ABCG4: variants seen among roughly 807,000 people sequenced by gnomAD.
ABCG4 encodes ATP binding cassette subfamily G member 4.
A neutral mutation model predicts 64.6 loss-of-function variants in ABCG4; 35 were observed. The observed-to-expected ratio is 0.54, with a 90% CI of 0.41 to 0.72. The LOEUF is 0.72. Among genes scored for constraint, ABCG4 ranks in the 30% least tolerant of loss-of-function variants. The pLI, the probability that ABCG4 is intolerant of heterozygous loss-of-function variation, is 0.00. For synonymous variants in ABCG4, 326 were observed against 348.2 expected, an observed-to-expected ratio of 0.94 and a Z score of 0.71; for missense variants, 610 against 846.3, an observed-to-expected ratio of 0.72 and a Z score of 3.46.
chr11:119,150,398 G>T lies in ABCG4; in HGVS notation c.238+195G>T, dbSNP rs977127006. Among the ~76,000 whole-genome samples the T allele has an allele frequency of 2.0e-5, 3 of 152,196 alleles. No individual in the cohort carries two copies. Among genetic ancestry groups the T allele is most frequent in the Non-Finnish European group, 4.4e-5 (3 of 68,030 alleles). On this transcript the variant is annotated intron_variant, in intron 2 of 14. Coordinates refer to ENST00000619701, the MANE Select transcript of ABCG4 (RefSeq NM_022169.5). The surrounding 1 kb of genome is among the most constrained non-coding windows in gnomAD (Gnocchi z 4.3). Reference sequence around the variant, plus strand: ...GATCTACGCTCCCCCACACCTGTGAGCACCATGGGATACTAGGTGCAATTG... The same window carrying T: ...GATCTACGCTCCCCCACACCTGTGATCACCATGGGATACTAGGTGCAATTG...
chr11:119,158,335 G>A lies in ABCG4; in HGVS notation c.1167+3G>A, dbSNP rs1292467734. ...TCCTGTCCATCCTCAGGGACACGGT[G>A]AGGCGTCAGGCTGGGGGAGAGGAGG... is the stretch of plus-strand genomic sequence containing the variant. On this transcript the variant is annotated splice_donor_region_variant and intron_variant, in intron 10 of 14. Coordinates refer to ENST00000619701, the MANE Select transcript of ABCG4 (RefSeq NM_022169.5). The surrounding 1 kb of genome is among the most constrained non-coding windows in gnomAD (Gnocchi z 4.5). 1.9e-6 allele frequency: 3 copies of A among 1,613,796 alleles called. No homozygotes were observed. The highest frequency in any genetic ancestry group is 2.5e-6 in the Non-Finnish European group (3 of 1,179,832).
chr11:119,160,215 C>A lies in ABCG4; in HGVS notation c.1438-12C>A. ...CTTGAAGTCCACTGTCCAGCCCGTG[C>A]CCACTCCCCAGGTGGTGTGTCCGGT... On this transcript the variant is annotated splice_polypyrimidine_tract_variant and intron_variant, in intron 12 of 14. Transcript: ENST00000619701. The surrounding 1 kb of genome is among the most constrained non-coding windows in gnomAD (Gnocchi z 4.6). 6.2e-7 allele frequency: 1 copy of A among 1,602,686 alleles called. No individual in the cohort carries two copies.
chr11:119,157,437 G>A (rs1180761531), intron 9 of ABCG4, among the ~76,000 whole-genome samples: 2 of 152,198 alleles, frequency 1.3e-5, no homozygotes, highest in African/African-American at 4.8e-5. Flanking sequence ...CACTGTAGCT[G>A]GTACAGCAGG....
At chr11:119,153,836 T>A (rs1048369446) in intron 2 of ABCG4, 190 bp from the exon 3 acceptor site, 1 of 606,962 alleles carries the variant, frequency 1.6e-6, no homozygotes, top group Non-Finnish European at 3.0e-6. Flanking sequence ...TTAGTGGTGG[T>A]CGTTTCTAGG....
In ABCG4 at chr11:119,161,021, A is replaced by G; in HGVS notation, c.1856A>G (p.Asp619Gly). 6.2e-7 allele frequency: 1 copy of G among 1,614,028 alleles called. No individual in the cohort carries two copies. Among genetic ancestry groups the G allele is most frequent in the Non-Finnish European group, 8.5e-7 (1 of 1,179,964 alleles). Residue 619 changes from aspartate to glycine, a missense_variant, in exon 15 of 15, where the codon GAC (aspartate) becomes GGC (glycine). Asp to Gly is a moderately conservative substitution (Grantham distance 94). Transcript: ENST00000619701. Reference sequence around the variant, plus strand: ...GTGGAGGATGCCAAGCTCTACATGGACTTCCTGGTCTTGGGCATCTTCTTC... The same window carrying G: ...GTGGAGGATGCCAAGCTCTACATGGGCTTCCTGGTCTTGGGCATCTTCTTC... Reference protein sequence around the residue: ...LDVEDAKLYMDFLVLGIFFLA... With the variant: ...LDVEDAKLYMGFLVLGIFFLA...
At chr11:119,159,574 T>C (rs1050018894) in intron 12 of ABCG4, among the ~76,000 whole-genome samples, 22 of 152,328 alleles carry the variant, frequency 1.4e-4, no homozygotes, top group African/African-American at 2.4e-4. Context: ...TGAGTTAATG[T>C]ATATAAAGTA....
At position 119,160,168 on chromosome 11, in the gene ABCG4, G is replaced by A. The variant is rs1328337598; in HGVS notation, c.1438-59G>A. ...AGGCCCAGCCTTGGGTGGAGTGGAG[G>A]TCTTGGCTGCTGTGCCCCTGGCTTG... is the stretch of plus-strand genomic sequence containing the variant. On this transcript the variant is annotated intron_variant, in intron 12 of 14. Transcript: ENST00000619701. This position sits in a 1 kb window ranked among gnomAD's most constrained non-coding sequence, Gnocchi z 4.6. The A allele has an allele frequency of 2.6e-6, 4 of 1,562,778 alleles. No individual in the cohort carries two copies. The African/African-American group carries it at 4.1e-5, about 16-fold the overall frequency.
rs1948326780 is a variant in ABCG4 at position 119,160,189 on chromosome 11, G to T, written c.1438-38G>T. 6.3e-7 allele frequency: 1 copy of T among 1,581,144 alleles called. No individual in the cohort carries two copies. The highest frequency in any genetic ancestry group is 8.6e-7 in the Non-Finnish European group (1 of 1,156,106). ...GGAGGTCTTGGCTGCTGTGCCCCTGGCTTGAAGTCCACTGTCCAGCCCGTG... is the reference window on the plus strand; with the variant it reads ...GGAGGTCTTGGCTGCTGTGCCCCTGTCTTGAAGTCCACTGTCCAGCCCGTG... On this transcript the variant is annotated intron_variant, in intron 12 of 14. Transcript: ENST00000619701. This position sits in a 1 kb window ranked among gnomAD's most constrained non-coding sequence, Gnocchi z 4.6.
Position 119,154,398 on chromosome 11 carries a change from GGCTGGATAGTCAC to G in ABCG4, c.489+7_489+19del, listed in dbSNP as rs1458364171. 16 of 1,614,054 alleles carry G rather than the reference GGCTGGATAGTCAC, an allele frequency of 9.9e-6. No individual in the cohort carries two copies. Among genetic ancestry groups the G allele is most frequent in the Non-Finnish European group, 1.3e-5 (15 of 1,180,028 alleles). The stretch of plus-strand genomic sequence containing the variant: ...CGGTGTTGGAAGCCATGATGGTGAG[GGCTGGATAGTCAC>G]CCCTCCTCCCAGCAACCCCCTCTGT... On this transcript the variant is annotated splice_region_variant and intron_variant, in intron 4 of 14. Coordinates refer to ENST00000619701, the MANE Select transcript of ABCG4 (RefSeq NM_022169.5). The surrounding 1 kb of genome is among the most constrained non-coding windows in gnomAD (Gnocchi z 7.0).
intron 2 of ABCG4, chr11:119,153,668 T>C (rs1592303595): frequency 4.6e-6 from 1 of 216,664 alleles, no homozygotes; most frequent in South Asian, 9.3e-5. Context: ...GCTGTAGTAG[T>C]GGGAGTTTTC....
At position 119,158,520 on chromosome 11, in the gene ABCG4, G is replaced by C; in HGVS notation, c.1168-37G>C. 1 of 1,613,526 alleles carries C rather than the reference G, an allele frequency of 6.2e-7. No homozygotes were observed. The highest frequency in any genetic ancestry group is 8.5e-7 in the Non-Finnish European group (1 of 1,179,522). ...TCTACTCTGTGGCTTGCCCTGGCCT[G>C]TAACACATCCCTCTCCTGGTGATGA... On this transcript the variant is annotated intron_variant, in intron 10 of 14. Coordinates refer to ENST00000619701, the MANE Select transcript of ABCG4 (RefSeq NM_022169.5). The surrounding 1 kb of genome is among the most constrained non-coding windows in gnomAD (Gnocchi z 4.5).
Position 119,150,749 on chromosome 11 carries a change from G to A in ABCG4, c.238+546G>A, listed in dbSNP as rs1948185305. On this transcript the variant is annotated intron_variant, in intron 2 of 14. Transcript: ENST00000619701. This position sits in a 1 kb window ranked among gnomAD's most constrained non-coding sequence, Gnocchi z 4.3. ...TAACTTGACCAATGTCACACAGCTAGTAAGTGGTAGAGCTGAGACCAGAAG... is the reference window on the plus strand; with the variant it reads ...TAACTTGACCAATGTCACACAGCTAATAAGTGGTAGAGCTGAGACCAGAAG... Among the ~76,000 whole-genome samples, 1 of 152,196 alleles carries A rather than the reference G, an allele frequency of 6.6e-6. No individual in the cohort carries two copies. Among genetic ancestry groups the A allele is most frequent in the Non-Finnish European group, 1.5e-5 (1 of 68,032 alleles).
rs1565814625 is a variant in ABCG4 at position 119,155,749 on chromosome 11, T to G, written c.687-580T>G. 6.5e-6 allele frequency: 1 copy of G among 154,686 alleles called. No homozygotes were observed. The highest frequency in any genetic ancestry group is 2.4e-5 in the African/African-American group (1 of 41,472). 9.6% of individuals were successfully genotyped at this position (154,686 alleles called of 1,614,324 possible). ...CAAGGGCCTGGTCTGAACCTACTTC[T>G]CCAGCCTCAAGTCATGTACTTTATG... On this transcript the variant is annotated intron_variant, in intron 6 of 14. Coordinates refer to ENST00000619701, the MANE Select transcript of ABCG4 (RefSeq NM_022169.5). The surrounding 1 kb of genome is among the most constrained non-coding windows in gnomAD (Gnocchi z 4.5).
intron 2 of ABCG4, among the ~76,000 whole-genome samples, chr11:119,152,010 T>C (rs1198584888): frequency 6.6e-6 from 1 of 152,232 alleles, no homozygotes; most frequent in African/African-American, 2.4e-5. Context: ...AGATGACTTT[T>C]GTGTTAGGCA....
In ABCG4 at chr11:119,160,155, G is replaced by A. The variant is rs1303003653; in HGVS notation, c.1438-72G>A. Reference sequence around the variant, plus strand: ...ATAGGTATTCTAGAGGCCCAGCCTTGGGTGGAGTGGAGGTCTTGGCTGCTG... The same window carrying A: ...ATAGGTATTCTAGAGGCCCAGCCTTAGGTGGAGTGGAGGTCTTGGCTGCTG... On this transcript the variant is annotated intron_variant, in intron 12 of 14. Coordinates refer to ENST00000619701, the MANE Select transcript of ABCG4 (RefSeq NM_022169.5). The surrounding 1 kb of genome is among the most constrained non-coding windows in gnomAD (Gnocchi z 4.6). 1.3e-6 allele frequency: 2 copies of A among 1,527,080 alleles called. No individual in the cohort carries two copies. The highest frequency in any genetic ancestry group is 1.8e-6 in the Non-Finnish European group (2 of 1,121,320). 94.6% of individuals were successfully genotyped at this position (1,527,080 alleles called of 1,614,324 possible).
chr11:119,158,798 C>T lies in ABCG4; in HGVS notation c.1337-31C>T, dbSNP rs769385608. On this transcript the variant is annotated intron_variant, in intron 11 of 14. Transcript: ENST00000619701. This position sits in a 1 kb window ranked among gnomAD's most constrained non-coding sequence, Gnocchi z 4.5. ...CTTGGGGCAGGGGCCAGGGTGTCGGCCGGGTGTGCCTAAGCAGCCTGTGTC... is the reference window on the plus strand; with the variant it reads ...CTTGGGGCAGGGGCCAGGGTGTCGGTCGGGTGTGCCTAAGCAGCCTGTGTC... 1.9e-6 allele frequency: 3 copies of T among 1,613,944 alleles called. No homozygotes were observed. Among genetic ancestry groups the T allele is most frequent in the African/African-American group, 2.7e-5 (2 of 74,914 alleles).
intron 2 of ABCG4, among the ~76,000 whole-genome samples, chr11:119,151,323 T>A (rs1314551748): frequency 6.6e-6 from 1 of 152,216 alleles, no homozygotes; most frequent in East Asian, 1.9e-4. Context: ...CAGATTGATA[T>A]CCCTCACCTG....
chr11:119,158,294 C>A lies in ABCG4; in HGVS notation c.1129C>A (p.Leu377Ile), dbSNP rs754425127. Residue 377 changes from leucine (L) to isoleucine (I), a missense_variant, in exon 10 of 15, where the codon CTC (leucine) becomes ATC (isoleucine). Coordinates refer to ENST00000619701, the MANE Select transcript of ABCG4 (RefSeq NM_022169.5). This position sits in a 1 kb window ranked among gnomAD's most constrained non-coding sequence, Gnocchi z 4.5. ...CAGCACCCTCACACAGTTCTGCATC[C>A]TCTTCAAGAGGACCTTCCTGTCCAT... ...ATSTLTQFCI[L>I]FKRTFLSILR... 12 of 1,613,956 alleles carry A rather than the reference C, an allele frequency of 7.4e-6. No homozygotes were observed. In the East Asian group the frequency reaches 2.5e-4, roughly 33 times the overall value.
In ABCG4 at chr11:119,161,052, C is replaced by A. The variant is rs751792956; in HGVS notation, c.1887C>A (p.Ala629=). The A allele has an allele frequency of 2.5e-6, 4 of 1,614,034 alleles. No homozygotes were observed. The highest frequency in any genetic ancestry group is 3.4e-6 in the Non-Finnish European group (4 of 1,179,976). The change falls in exon 15 of 15, where the codon GCC becomes GCA. Residue 629 remains alanine, a synonymous_variant. Transcript: ENST00000619701. ...DFLVLGIFFL[A]LRLLAYLVLR... ...TGGTCTTGGGCATCTTCTTCCTAGCCCTGCGGCTGCTGGCCTACCTTGTGC... is the reference window on the plus strand; with the variant it reads ...TGGTCTTGGGCATCTTCTTCCTAGCACTGCGGCTGCTGGCCTACCTTGTGC...
Sources: gnomAD v4.1 joint callset for allele counts (sites outside exome capture counted in the v4.1 genomes callset) on GRCh38, gnomAD v4.1.1 for gene constraint, Gnocchi (gnomAD v3.1) non-coding constraint, MANE v1.5 for transcripts, NCBI Gene and HGNC (gene_info 2026-07-23, HGNC 2026-07-21) for gene names.